PTPRD: variants seen among roughly 807,000 people sequenced by gnomAD.
The protein encoded by PTPRD is receptor-type tyrosine-protein phosphatase delta.
In PTPRD, 34 loss-of-function variants were observed where a neutral mutation model predicts 214.5. The ratio of observed to expected loss-of-function variants is 0.16; its 90% CI spans 0.12 to 0.21. The LOEUF is 0.21. Ranked by LOEUF, PTPRD falls within the 10% of genes least tolerant of loss-of-function variation. The probability of loss-of-function intolerance (pLI) is 1.00; values close to 1 mark genes in which losing one functional copy is unlikely to be tolerated. For synonymous variants in PTPRD, 1,128 were observed against 845.7 expected, an observed-to-expected ratio of 1.33 and a Z score of -5.79; for missense variants, 2,545 against 2,398.7, an observed-to-expected ratio of 1.06 and a Z score of -1.27.
At chr9:10,173,413 C>G (rs1176504593) in intron 3 of PTPRD, among the ~76,000 whole-genome samples, 1 of 152,104 alleles carries the variant, frequency 6.6e-6, no homozygotes, top group Non-Finnish European at 1.5e-5. Context: ...TAGTGACTCA[C>G]AGCTAGTAAG....
intron 7 of PTPRD, among the ~76,000 whole-genome samples, chr9:9,657,731 C>T (rs1044298304): frequency 6.6e-6 from 1 of 152,098 alleles, no homozygotes; most frequent in African/African-American, 2.4e-5. Flanking sequence ...AAATATAAAG[C>T]ATTCTTTGAC....
intron 2 of PTPRD, among the ~76,000 whole-genome samples, chr9:10,343,623 A>G (rs551099182): frequency 2.6e-5 from 4 of 152,112 alleles, no homozygotes; most frequent in Admixed American, 6.6e-5. Flanking sequence ...TTTCTCCACA[A>G]CATCTCCAGC....
rs757801073 is a variant in PTPRD at position 8,911,415 on chromosome 9, T to TTGTGTGTG, written c.-104+107274_-104+107281dup. On this transcript the variant is annotated intron_variant, in intron 11 of 45. Coordinates refer to ENST00000381196, the MANE Select transcript of PTPRD (RefSeq NM_002839.4). Reference sequence around the variant, plus strand: ...GTGTGTGTCTGTGTGTGTGTGTGTGTTGTGTGTGTGTGTGTGTGTGTGTGT... The same window carrying TTGTGTGTG: ...GTGTGTGTCTGTGTGTGTGTGTGTGTTGTGTGTGTGTGTGTGTGTGTGTGTGTGTGTGT... Among the ~76,000 whole-genome samples, 464 of 127,708 alleles carry TTGTGTGTG rather than the reference T, an allele frequency of 3.6e-3. 1 individual carries two copies. The highest frequency in any genetic ancestry group is 0.012 in the African/African-American group (444 of 37,092). 83.8% of individuals were successfully genotyped at this position (127,708 alleles called of 152,430 possible).
rs546954845 is a variant in PTPRD at position 10,301,554 on chromosome 9, C to A, written c.-545+39409G>T. ...TTAGACAAATTGCTAACTAGAATAA[C>A]CAGTATAGAGAAGAACATAAATAAA... On this transcript the variant is annotated intron_variant, in intron 3 of 45. Coordinates refer to ENST00000381196, the MANE Select transcript of PTPRD (RefSeq NM_002839.4). Among the ~76,000 whole-genome samples, 312 of 152,142 alleles carry A rather than the reference C, an allele frequency of 2.1e-3. 2 individuals are homozygous for A. Among genetic ancestry groups the A allele is most frequent in the African/African-American group, 6.8e-3 (284 of 41,502 alleles).
intron 10 of PTPRD, among the ~76,000 whole-genome samples, chr9:9,040,149 G>T (rs1173139220): frequency 6.6e-6 from 1 of 152,186 alleles, no homozygotes; most frequent in African/African-American, 2.4e-5. Context: ...CATGCAAGGG[G>T]AAAGGGCTAT....
chr9:10,410,034 T>C (rs946297488), intron 2 of PTPRD, among the ~76,000 whole-genome samples: 1 of 151,562 alleles, frequency 6.6e-6, no homozygotes, highest in Non-Finnish European at 1.5e-5. Context: ...TATTGTTGCA[T>C]CAAGCCACGA....
intron 11 of PTPRD, among the ~76,000 whole-genome samples, chr9:8,946,113 A>G (rs1567167288): frequency 6.6e-6 from 1 of 152,198 alleles, no homozygotes; most frequent in Non-Finnish European, 1.5e-5. Flanking sequence ...TGTCTATTAC[A>G]CAATATAAAA....
At chr9:8,734,573 G>A (rs1191019159) in intron 11 of PTPRD, among the ~76,000 whole-genome samples, 1 of 152,152 alleles carries the variant, frequency 6.6e-6, no homozygotes, top group Non-Finnish European at 1.5e-5. Context: ...CATTTAACAG[G>A]ATTTTTATAT....
intron 3 of PTPRD, among the ~76,000 whole-genome samples, chr9:10,255,617 A>G (rs368404461): frequency 1.3e-5 from 2 of 152,064 alleles, no homozygotes; most frequent in Non-Finnish European, 2.9e-5. Flanking sequence ...AAATGTATAC[A>G]AAAATATTTT....
At chr9:8,325,088 G>T (rs1264174477) in intron 44 of PTPRD, among the ~76,000 whole-genome samples, 1 of 148,360 alleles carries the variant, frequency 6.7e-6, no homozygotes, top group Non-Finnish European at 1.5e-5. Flanking sequence ...CTGTGCAGAA[G>T]CTCTTTAGTT....
chr9:9,831,669 C>A (rs971886874), intron 5 of PTPRD, among the ~76,000 whole-genome samples: 6 of 151,954 alleles, frequency 3.9e-5, no homozygotes, highest in Non-Finnish European at 5.9e-5. Flanking sequence ...CCAGCATAAC[C>A]TGAAGAGCTG....
At chr9:9,269,499 C>A (rs957979838) in intron 9 of PTPRD, among the ~76,000 whole-genome samples, 3 of 151,396 alleles carry the variant, frequency 2.0e-5, no homozygotes, top group Non-Finnish European at 3.0e-5. Flanking sequence ...AATCCCACTT[C>A]TGGGCACATC....
intron 8 of PTPRD, among the ~76,000 whole-genome samples, chr9:9,418,329 C>T (rs1023122957): frequency 6.6e-6 from 1 of 151,992 alleles, no homozygotes; most frequent in African/African-American, 2.4e-5. Flanking sequence ...ATGAATCTAG[C>T]CCAGAGTTAG....
Position 9,402,917 on chromosome 9 carries a change from T to C in PTPRD, c.-236-5435A>G, listed in dbSNP as rs567653968. Among the ~76,000 whole-genome samples, 194 of 132,390 alleles carry C rather than the reference T, an allele frequency of 1.5e-3. 2 individuals carry two copies. The highest frequency in any genetic ancestry group is 5.3e-3 in the African/African-American group (186 of 34,880). 86.9% of individuals were successfully genotyped at this position (132,390 alleles called of 152,430 possible). A position where few individuals can be genotyped will look rare whatever the true frequency, so the allele number is the denominator to read the frequency against. ...AAAAATAATGTAGTGAGAGGGCATA[T>C]GGTATGTGAAAATTACGGTGAGATG... is the stretch of plus-strand genomic sequence containing the variant. On this transcript the variant is annotated intron_variant, in intron 8 of 45. Transcript: ENST00000381196.
At chr9:8,452,328 G>C (rs1026317247) in intron 33 of PTPRD, among the ~76,000 whole-genome samples, 1 of 152,192 alleles carries the variant, frequency 6.6e-6, no homozygotes, top group African/African-American at 2.4e-5. Context: ...TGATGTGCTA[G>C]AATGATTGTT....
intron 11 of PTPRD, among the ~76,000 whole-genome samples, chr9:8,902,430 C>T (rs1256022099): frequency 7.9e-5 from 12 of 151,556 alleles, no homozygotes; most frequent in Non-Finnish European, 1.6e-4. Context: ...GTAACCTCCG[C>T]CTCCTGGGTT....
chr9:9,487,789 G>T (rs1028961651), intron 8 of PTPRD, among the ~76,000 whole-genome samples: 1 of 152,196 alleles, frequency 6.6e-6, no homozygotes, highest in East Asian at 1.9e-4. Flanking sequence ...TCCAGTGACA[G>T]AAGGACTTTC....
At chr9:9,184,408 T>A (rs1479116500) in intron 9 of PTPRD, among the ~76,000 whole-genome samples, 1 of 151,950 alleles carries the variant, frequency 6.6e-6, no homozygotes. Flanking sequence ...TACCTATAGG[T>A]TAAATCCCTA....
intron 36 of PTPRD, among the ~76,000 whole-genome samples, chr9:8,394,727 G>C (rs983242359): frequency 2.0e-5 from 3 of 152,114 alleles, no homozygotes; most frequent in Non-Finnish European, 4.4e-5. Context: ...GAGGCTTTGT[G>C]TCTCTCAGAT....
Sources: gnomAD v4.1 joint callset for allele counts (sites outside exome capture counted in the v4.1 genomes callset) on GRCh38, gnomAD v4.1.1 for gene constraint, MANE v1.5 for transcripts, NCBI Gene and HGNC (gene_info 2026-07-23, HGNC 2026-07-21) for gene names.